Variants in NBAS observed in about 807,000 individuals in gnomAD.
NBAS encodes the protein NBAS subunit of NRZ tethering complex.
Under a neutral mutation model 302.5 loss-of-function variants are expected in NBAS, and 219 were observed. The observed-to-expected ratio is 0.72, with a 90% CI of 0.65 to 0.81. The LOEUF (loss-of-function observed/expected upper bound fraction) is 0.81. Among genes scored for constraint, NBAS ranks in the 30% least tolerant of loss-of-function variants. NBAS has a pLI of 0.00. For missense variants in NBAS, 2,932 were observed against 2,841.6 expected, an observed-to-expected ratio of 1.03 and a Z score of -0.72; for synonymous variants, 1,118 against 1,021.6, an observed-to-expected ratio of 1.09 and a Z score of -1.80.
Position 15,378,842 on chromosome 2 carries a change from T to C in NBAS, c.3590+760A>G, listed in dbSNP as rs150920580. ...CTGTCTGTAAACCACTTTTCTGAAA[T>C]GTTGAACAAGGAAGATAATCTTTTT... On this transcript the variant is annotated intron_variant, in intron 30 of 51. Transcript: ENST00000281513. 3.8e-3 allele frequency among the ~76,000 whole-genome samples: 574 copies of C among 152,298 alleles called. 8 individuals are homozygous for C. Among genetic ancestry groups the C allele is most frequent in the Non-Finnish European group, 2.0e-3 (133 of 68,020 alleles).
intron 9 of NBAS, among the ~76,000 whole-genome samples, chr2:15,521,983 G>A (rs185165865): frequency 1.6e-3 from 241 of 152,276 alleles, no homozygotes; most frequent in African/African-American, 5.3e-3. Context: ...TGTGCTGACC[G>A]TTGGCACAGA....
intron 35 of NBAS, among the ~76,000 whole-genome samples, chr2:15,350,241 T>C (rs956096680): frequency 4.0e-5 from 6 of 151,806 alleles, no homozygotes; most frequent in Non-Finnish European, 8.8e-5. Context: ...AACAGTAGAG[T>C]ACACAAATAC....
At chr2:15,373,508 T>A (rs1392998861) in intron 31 of NBAS, among the ~76,000 whole-genome samples, 3 of 152,118 alleles carry the variant, frequency 2.0e-5, no homozygotes, top group Non-Finnish European at 4.4e-5. Flanking sequence ...CTTCTTTAAT[T>A]TTTGTAGAGA....
chr2:14,930,520 A>T, the NBAS span, among the ~76,000 whole-genome samples: 1 of 152,206 alleles, frequency 6.6e-6, no homozygotes, highest in East Asian at 1.9e-4. Context: ...ATGATATCTG[A>T]TAGAACAGAA....
chr2:15,438,489 G>A (rs931963470), intron 21 of NBAS, among the ~76,000 whole-genome samples: 1 of 152,108 alleles, frequency 6.6e-6, no homozygotes, highest in Non-Finnish European at 1.5e-5. Flanking sequence ...TGAATCTCTT[G>A]AATTAATCTA....
chr2:14,893,111 A>T, the NBAS span, among the ~76,000 whole-genome samples: 1 of 152,148 alleles, frequency 6.6e-6, no homozygotes, highest in African/African-American at 2.4e-5. Flanking sequence ...CAGCTTTTCT[A>T]CTTGTTCTTG....
chr2:15,317,195 C>T (rs150711583), intron 38 of NBAS, among the ~76,000 whole-genome samples: 71 of 152,212 alleles, frequency 4.7e-4, no homozygotes, highest in African/African-American at 1.7e-3. Context: ...AGAAAGGAAT[C>T]GCATCAACAT....
chr2:15,127,029 C>A, the NBAS span, among the ~76,000 whole-genome samples: 2 of 152,162 alleles, frequency 1.3e-5, no homozygotes, highest in Non-Finnish European at 2.9e-5. Context: ...CCCTCTAAAG[C>A]CTCGGAATGC....
At chr2:14,887,461 G>C in the NBAS span, among the ~76,000 whole-genome samples, 2 of 151,282 alleles carry the variant, frequency 1.3e-5, no homozygotes, top group African/African-American at 2.4e-5. Flanking sequence ...CAGTGTGTGA[G>C]GAGAAGCCTA....
chr2:15,171,416 T>C (rs185757677), intron 51 of NBAS, among the ~76,000 whole-genome samples: 3 of 152,356 alleles, frequency 2.0e-5, no homozygotes, highest in Admixed American at 2.0e-4. Context: ...TTTTTCTCAT[T>C]ATATGCTAAG....
At chr2:15,351,048 A>G (rs373327297) in intron 35 of NBAS, among the ~76,000 whole-genome samples, 51 of 152,344 alleles carry the variant, frequency 3.3e-4, no homozygotes, top group African/African-American at 8.2e-4. Flanking sequence ...GATGACAGTC[A>G]CATTATTTTT....
the NBAS span, among the ~76,000 whole-genome samples, chr2:14,848,244 G>A: frequency 3.3e-5 from 5 of 151,076 alleles, no homozygotes; most frequent in Non-Finnish European, 7.4e-5. Context: ...GCCGAAGCAG[G>A]GCGAGGCATT....
chr2:14,954,763 A>G, the NBAS span, among the ~76,000 whole-genome samples: 1 of 152,182 alleles, frequency 6.6e-6, no homozygotes, highest in African/African-American at 2.4e-5. Flanking sequence ...CTCACTCACT[A>G]TCACGAGAAC....
At position 15,308,213 on chromosome 2, in the gene NBAS, C is replaced by T; in HGVS notation, c.4797+3G>A. 1 of 1,614,164 alleles carries T rather than the reference C, an allele frequency of 6.2e-7. No homozygotes were observed. The highest frequency in any genetic ancestry group is 8.5e-7 in the Non-Finnish European group (1 of 1,180,032). On this transcript the variant is annotated splice_donor_region_variant and intron_variant, in intron 40 of 51. Coordinates refer to ENST00000281513, the MANE Select transcript of NBAS (RefSeq NM_015909.4). ...TAATAAGCTGGAAATCATGAAGACT[C>T]ACCCTGTAAAGAGGATGGCACTTGT... is the stretch of plus-strand genomic sequence containing the variant.
chr2:15,362,249 A>G (rs1673967735), intron 32 of NBAS, among the ~76,000 whole-genome samples: 1 of 151,602 alleles, frequency 6.6e-6, no homozygotes. Context: ...AGGCTGAGGT[A>G]GGAGGATCGT....
chr2:15,494,576 T>C (rs952909868), intron 11 of NBAS, among the ~76,000 whole-genome samples: 2 of 152,186 alleles, frequency 1.3e-5, no homozygotes, highest in African/African-American at 4.8e-5. Flanking sequence ...GAGGAATATA[T>C]TGATATTTAA....
the NBAS span, among the ~76,000 whole-genome samples, chr2:15,100,965 T>C: frequency 6.6e-6 from 1 of 152,228 alleles, no homozygotes; most frequent in Admixed American, 6.5e-5. Flanking sequence ...TTCCAATTAG[T>C]TTGCAAGAAT....
the NBAS span, among the ~76,000 whole-genome samples, chr2:15,067,238 A>G: frequency 6.6e-6 from 1 of 151,184 alleles, no homozygotes; most frequent in Non-Finnish European, 1.5e-5. Flanking sequence ...TCAACTACTC[A>G]GGAGGCTGAT....
At chr2:15,439,385 C>A (rs1165252820) in intron 21 of NBAS, among the ~76,000 whole-genome samples, 1 of 151,464 alleles carries the variant, frequency 6.6e-6, no homozygotes, top group Non-Finnish European at 1.5e-5. Flanking sequence ...CCTGTTCCCA[C>A]TAACAAAGCT....
Sources: gnomAD v4.1 joint callset for allele counts (sites outside exome capture counted in the v4.1 genomes callset) on GRCh38, gnomAD v4.1.1 for gene constraint, MANE v1.5 for transcripts, NCBI Gene and HGNC (gene_info 2026-07-23, HGNC 2026-07-21) for gene names.